HTR7: variants seen among roughly 807,000 people sequenced by gnomAD.
HTR7 encodes the protein 5-HT-7.
In HTR7, 16 loss-of-function variants were observed where a neutral mutation model predicts 34.0. The observed-to-expected ratio is 0.47, with a 90% CI of 0.32 to 0.71. The LOEUF (loss-of-function observed/expected upper bound fraction) is 0.71, where lower values mean the gene tolerates loss of function less well. Among genes scored for constraint, HTR7 ranks in the 30% least tolerant of loss-of-function variants. HTR7 has a pLI of 0.04. For missense variants in HTR7, 504 were observed against 625.5 expected (o/e 0.81, Z 2.07); for synonymous variants, 265 against 260.2 (o/e 1.02, Z -0.18).
intron 1 of HTR7, among the ~76,000 whole-genome samples, chr10:90,833,152 C>G (rs573756025): frequency 1.3e-5 from 2 of 152,292 alleles, no homozygotes; most frequent in African/African-American, 4.8e-5. Flanking sequence ...CCTGAAACTC[C>G]TAGGCCATTA....
chr10:90,839,599 G>A (rs1846298702), intron 1 of HTR7, among the ~76,000 whole-genome samples: 1 of 152,130 alleles, frequency 6.6e-6, no homozygotes, highest in Admixed American at 6.5e-5. Flanking sequence ...GGATAAATGG[G>A]TGAAATAAAG....
intron 1 of HTR7, among the ~76,000 whole-genome samples, chr10:90,777,328 A>G (rs1246428574): frequency 6.6e-6 from 1 of 151,976 alleles, no homozygotes; most frequent in Non-Finnish European, 1.5e-5. Flanking sequence ...TAAAAATACA[A>G]AAATTAGCTG....
chr10:90,745,506 T>C (rs571714773), intron 2 of HTR7, among the ~76,000 whole-genome samples: 1 of 152,342 alleles, frequency 6.6e-6, no homozygotes, highest in African/African-American at 2.4e-5. Flanking sequence ...CATAGCAACA[T>C]ATGTCTGTTT....
intron 1 of HTR7, among the ~76,000 whole-genome samples, chr10:90,798,670 TA>T (rs1845577986): frequency 6.6e-6 from 1 of 152,198 alleles, no homozygotes; most frequent in Non-Finnish European, 1.5e-5. Flanking sequence ...GCTGTGATCA[TA>T]CATGCACTCC....
chr10:90,792,438 T>C (rs1411845734), intron 1 of HTR7, among the ~76,000 whole-genome samples: 1 of 152,080 alleles, frequency 6.6e-6, no homozygotes, highest in Non-Finnish European at 1.5e-5. Flanking sequence ...TCTTGATTTA[T>C]AGCATATTAT....
At chr10:90,788,617 T>C (rs932123620) in intron 1 of HTR7, among the ~76,000 whole-genome samples, 1 of 152,218 alleles carries the variant, frequency 6.6e-6, no homozygotes, top group African/African-American at 2.4e-5. Flanking sequence ...AATTGTGATA[T>C]CAATGTATCA....
chr10:90,793,501 A>T (rs1408460732), intron 1 of HTR7, among the ~76,000 whole-genome samples: 2 of 147,264 alleles, frequency 1.4e-5, no homozygotes, highest in African/African-American at 5.0e-5. Context: ...AATAAATTTA[A>T]TATTATTTTT....
At chr10:90,799,926 G>C (rs1359871517) in intron 1 of HTR7, among the ~76,000 whole-genome samples, 1 of 152,142 alleles carries the variant, frequency 6.6e-6, no homozygotes, top group African/African-American at 2.4e-5. Context: ...TCATATATCT[G>C]ATAAAGAGGT....
chr10:90,776,728 G>A (rs1845217866), intron 1 of HTR7, among the ~76,000 whole-genome samples: 1 of 152,150 alleles, frequency 6.6e-6, no homozygotes, highest in African/African-American at 2.4e-5. Flanking sequence ...TAAGATTCAT[G>A]TTTTGCTCCT....
intron 1 of HTR7, among the ~76,000 whole-genome samples, chr10:90,799,380 T>G (rs1283169475): frequency 7.1e-6 from 1 of 140,086 alleles, no homozygotes; most frequent in East Asian, 2.1e-4. Flanking sequence ...AATGAATGAA[T>G]GAAGAGATCC....
At chr10:90,789,685 CAAAA>C (rs925831106) in intron 1 of HTR7, among the ~76,000 whole-genome samples, 3 of 150,710 alleles carry the variant, frequency 2.0e-5, no homozygotes, top group Admixed American at 6.6e-5. Flanking sequence ...CACAATCAAA[CAAAA>C]AAAAATCACT....
At chr10:90,821,825 T>C (rs111810077) in intron 1 of HTR7, among the ~76,000 whole-genome samples, 252 of 151,944 alleles carry the variant, frequency 1.7e-3, no homozygotes, top group African/African-American at 5.6e-3. Flanking sequence ...ATCTGGTTGT[T>C]TGAAAGTATA....
chr10:90,856,844 G>A (rs1564705023), intron 1 of HTR7, among the ~76,000 whole-genome samples: 1 of 152,166 alleles, frequency 6.6e-6, no homozygotes, highest in Non-Finnish European at 1.5e-5. Context: ...CCAAGGCAAG[G>A]GACCCGCTGG....
chr10:90,777,025 G>A (rs1028166560), intron 1 of HTR7, among the ~76,000 whole-genome samples: 1 of 152,160 alleles, frequency 6.6e-6, no homozygotes, highest in African/African-American at 2.4e-5. Flanking sequence ...TTTTTGGGCT[G>A]AATATAATAG....
chr10:90,742,488 A>G lies in HTR7; in HGVS notation c.1434T>C (p.His478=), dbSNP rs1844567592. Residue 478 remains histidine (H), a synonymous_variant, in exon 4 of 4, where the codon CAT becomes CAC. Transcript: ENST00000336152. ...CATCTCCATTGTTCTGCTTTCAATC[A>G]TGAATCATGACCTTTTTTTCTACAG... is the stretch of plus-strand genomic sequence containing the variant. ...LTTVEKKVMI[H]D The G allele has an allele frequency of 6.2e-7, 1 of 1,601,394 alleles. No homozygotes were observed. Among genetic ancestry groups the G allele is most frequent in the African/African-American group, 1.3e-5 (1 of 74,858 alleles).
chr10:90,758,678 A>G (rs906758765), intron 1 of HTR7, among the ~76,000 whole-genome samples: 26 of 152,170 alleles, frequency 1.7e-4, no homozygotes, highest in Non-Finnish European at 3.1e-4. Flanking sequence ...AGGACACATA[A>G]CATAGTTGGG....
chr10:90,764,908 T>C (rs1247272198), intron 1 of HTR7, among the ~76,000 whole-genome samples: 2 of 152,146 alleles, frequency 1.3e-5, no homozygotes, highest in Non-Finnish European at 2.9e-5. Flanking sequence ...GATTTGCATA[T>C]ATTGGACCAT....
chr10:90,857,584 C>T lies in HTR7; in HGVS notation c.88G>A (p.Asp30Asn), dbSNP rs1422652732. 1.9e-6 allele frequency: 3 copies of T among 1,594,052 alleles called. No individual in the cohort carries two copies. Among genetic ancestry groups the T allele is most frequent in the East Asian group, 2.3e-5 (1 of 44,042 alleles). ...LLPEVGRGLPDLSPDGGADPV... is the reference protein window; with the variant it reads ...LLPEVGRGLPNLSPDGGADPV... ...TCGGCGCCACCGTCGGGGCTCAAGT[C>T]GGGCAGCCCGCGCCCCACTTCTGGC... Residue 30 changes from aspartate (D) to asparagine (N), a missense_variant, in exon 1 of 4, where the codon GAC (aspartate) becomes AAC (asparagine). By Grantham distance (23) the Asp-to-Asn change is conservative. Around this residue, in one of 4 missense-constraint regions of HTR7, gnomAD observed 139 missense variants for 117.1 expected, o/e 1.19. Coordinates refer to ENST00000336152, the MANE Select transcript of HTR7 (RefSeq NM_019859.4). This position sits in a 1 kb window ranked among gnomAD's most constrained non-coding sequence, Gnocchi z 6.5.
chr10:90,832,903 G>A (rs1444697927), intron 1 of HTR7, among the ~76,000 whole-genome samples: 1 of 152,162 alleles, frequency 6.6e-6, no homozygotes, highest in South Asian at 2.1e-4. Flanking sequence ...GTGCAAGGTG[G>A]GCCTACAAGC....
Sources: allele counts gnomAD v4.1 joint callset (sites outside exome capture counted in the v4.1 genomes callset), GRCh38; gene constraint gnomAD v4.1.1; regional missense constraint gnomAD v4.1.1; non-coding constraint Gnocchi (gnomAD v3.1); transcripts MANE v1.5; gene names NCBI Gene and HGNC (gene_info 2026-07-23, HGNC 2026-07-21).